FKBP1B: variants seen among roughly 807,000 people sequenced by gnomAD.
FKBP1B encodes peptidyl-prolyl cis-trans isomerase FKBP1B.
Under a neutral mutation model 13.5 loss-of-function variants are expected in FKBP1B, and 4 were observed. The ratio of observed to expected loss-of-function variants is 0.30; its 90% CI spans 0.15 to 0.68. The LOEUF (loss-of-function observed/expected upper bound fraction) is 0.68. Ranked by LOEUF, FKBP1B falls within the 30% of genes least tolerant of loss-of-function variation. The probability of loss-of-function intolerance (pLI) is 0.76; values close to 1 mark genes in which losing one functional copy is unlikely to be tolerated. For missense variants in FKBP1B, 93 were observed against 136.2 expected, an observed-to-expected ratio of 0.68 and a Z score of 1.58; for synonymous variants, 54 against 53.6, an observed-to-expected ratio of 1.01 and a Z score of -0.03.
chr2:24,055,856 C>T (rs373455503), intron 2 of FKBP1B, among the ~76,000 whole-genome samples: 1 of 152,278 alleles, frequency 6.6e-6, no homozygotes, highest in African/African-American at 2.4e-5. Context: ...GGGGTACCTC[C>T]TGGGCTCAGC....
the FKBP1B span, among the ~76,000 whole-genome samples, chr2:24,040,726 T>C: frequency 3.3e-5 from 5 of 152,208 alleles, no homozygotes; most frequent in African/African-American, 9.6e-5. Context: ...TAAAGAAGCA[T>C]ATGCTTAGGG....
At chr2:24,036,443 C>G in the FKBP1B span, among the ~76,000 whole-genome samples, 2 of 149,786 alleles carry the variant, frequency 1.3e-5, no homozygotes, top group Admixed American at 6.7e-5. Flanking sequence ...TGGTGACATA[C>G]GAGGAAAAGG....
rs1274749404 is a variant in FKBP1B at position 24,063,160 on chromosome 2, A to G, written c.295A>G (p.Ile99Val). The G allele has an allele frequency of 6.2e-7, 1 of 1,609,090 alleles. No individual in the cohort carries two copies. Among genetic ancestry groups the G allele is most frequent in the African/African-American group, 1.3e-5 (1 of 74,850 alleles). ...TGTCATCCCTCCCAATGCCACCCTC[A>G]TCTTTGACGTGGAGCTGCTCAACTT... ...PGVIPPNATL[I>V]FDVELLNLE Residue 99 changes from isoleucine to valine, a missense_variant, in exon 4 of 4, where the codon ATC (isoleucine) becomes GTC (valine). By Grantham distance (29) the Ile-to-Val change is conservative. Transcript: ENST00000380986.
chr2:24,038,756 T>A, the FKBP1B span: 3 of 1,614,106 alleles, frequency 1.9e-6, no homozygotes, highest in Admixed American at 5.0e-5. Flanking sequence ...GCATACGGAG[T>A]CATGTCTTTA....
chr2:24,041,559 G>GAGCCACCC, the FKBP1B span, among the ~76,000 whole-genome samples: 1 of 151,858 alleles, frequency 6.6e-6, no homozygotes, highest in Non-Finnish European at 1.5e-5. Context: ...TCATAGGCAT[G>GAGCCACCC]AGCCACCCAG....
the FKBP1B span, chr2:24,038,109 C>T: frequency 1.2e-6 from 2 of 1,614,180 alleles, no homozygotes; most frequent in Non-Finnish European, 1.7e-6. Flanking sequence ...TTTCAATTAA[C>T]TTTTTTCTAT....
In FKBP1B at chr2:24,053,889, T is replaced by C. The variant is rs1663995954; in HGVS notation, c.38-13T>C. On this transcript the variant is annotated splice_polypyrimidine_tract_variant and intron_variant, in intron 1 of 3. Coordinates refer to ENST00000380986, the MANE Select transcript of FKBP1B (RefSeq NM_004116.5). ...TATCCTACTCCTTCATCTGCCCTCATGTCTCCCTGCAGGAAGGACATTCCC... is the reference window on the plus strand; with the variant it reads ...TATCCTACTCCTTCATCTGCCCTCACGTCTCCCTGCAGGAAGGACATTCCC... 6.2e-7 allele frequency: 1 copy of C among 1,613,968 alleles called. No homozygotes were observed. Among genetic ancestry groups the C allele is most frequent in the Non-Finnish European group, 8.5e-7 (1 of 1,179,816 alleles).
At chr2:24,059,268 A>C (rs928793994) in intron 2 of FKBP1B, among the ~76,000 whole-genome samples, 3 of 151,280 alleles carry the variant, frequency 2.0e-5, no homozygotes, top group African/African-American at 7.4e-5. Context: ...AATTGAGAAT[A>C]GCTGTTGGGC....
chr2:24,034,219 G>A, the FKBP1B span, among the ~76,000 whole-genome samples: 1 of 152,082 alleles, frequency 6.6e-6, no homozygotes, highest in Non-Finnish European at 1.5e-5. Context: ...TCAGGAGTTC[G>A]AGACCAGCCT....
intron 1 of FKBP1B, among the ~76,000 whole-genome samples, chr2:24,051,866 C>A (rs1035036937): frequency 6.6e-6 from 1 of 152,124 alleles, no homozygotes; most frequent in Admixed American, 6.6e-5. Context: ...TATCCAGCCC[C>A]GTAGCTTTAA....
intron 2 of FKBP1B, chr2:24,054,185 G>A (rs1235990123): frequency 1.4e-6 from 1 of 692,432 alleles, no homozygotes; most frequent in South Asian, 1.6e-5. Context: ...CATGGTGCCA[G>A]CTTCTAGGTG....
At chr2:24,038,571 G>C in the FKBP1B span, 2 of 1,614,152 alleles carry the variant, frequency 1.2e-6, no homozygotes, top group Non-Finnish European at 1.7e-6. Context: ...TTCCTGTCAA[G>C]TAGTCCTTTT....
the FKBP1B span, among the ~76,000 whole-genome samples, chr2:24,043,641 AATTCC>A: frequency 6.6e-6 from 1 of 152,206 alleles, no homozygotes; most frequent in Non-Finnish European, 1.5e-5. Context: ...ACTTAAAATG[AATTCC>A]ATTCCAATTT....
Position 24,053,734 on chromosome 2 carries a change from C to A in FKBP1B, c.38-168C>A, listed in dbSNP as rs764846254. Among the ~76,000 whole-genome samples, 6 of 152,054 alleles carry A rather than the reference C, an allele frequency of 3.9e-5. No homozygotes were observed. The South Asian group carries it at 1.0e-3, about 26-fold the overall frequency. On this transcript the variant is annotated intron_variant, in intron 1 of 3. Transcript: ENST00000380986. ...AAGTAAATCCAGGCCAGAGAGGTGA[C>A]GTGATTCATTCTGGCTCGTACAGGG...
At chr2:24,038,699 C>T in the FKBP1B span, 3 of 1,614,072 alleles carry the variant, frequency 1.9e-6, no homozygotes, top group Non-Finnish European at 2.5e-6. Context: ...GTTTCAGAAT[C>T]AGTTGCCTCT....
chr2:24,041,704 T>G, the FKBP1B span, among the ~76,000 whole-genome samples: 1 of 151,044 alleles, frequency 6.6e-6, no homozygotes, highest in Non-Finnish European at 1.5e-5. Flanking sequence ...AATACAAAAA[T>G]TAGCTGGGCT....
Position 24,063,264 on chromosome 2 carries a change from G to A in FKBP1B, c.*72G>A, listed in dbSNP as rs1207924828. 7.0e-6 allele frequency: 10 copies of A among 1,436,140 alleles called. No individual in the cohort carries two copies. In the East Asian group the frequency reaches 1.4e-4, roughly 20 times the overall value. The allele number at this position is 1,436,140 out of a possible 1,614,324, so 89.0% of individuals were successfully genotyped here. ...TCCTAGCCTGCTCTGCCACTGGGAC[G>A]GCTCCTGCTTTTGGGGCTCTTGATC... is the stretch of plus-strand genomic sequence containing the variant. On this transcript the variant is annotated 3_prime_UTR_variant, in exon 4 of 4. Transcript: ENST00000380986.
At chr2:24,056,216 C>T (rs1230676415) in intron 2 of FKBP1B, among the ~76,000 whole-genome samples, 4 of 151,850 alleles carry the variant, frequency 2.6e-5, no homozygotes, top group Non-Finnish European at 4.4e-5. Context: ...TCTCAAACTC[C>T]TGACCTCAGG....
chr2:24,049,998 G>C (rs1347973045), intron 1 of FKBP1B, 112 bp downstream of exon 1: 3 of 808,310 alleles, frequency 3.7e-6, no homozygotes, highest in Non-Finnish European at 5.1e-6. Flanking sequence ...CGGGGGGCTG[G>C]ATGGGGAAGG....
Sources: allele counts gnomAD v4.1 joint callset (sites outside exome capture counted in the v4.1 genomes callset), GRCh38; gene constraint gnomAD v4.1.1; transcripts MANE v1.5; gene names NCBI Gene and HGNC (gene_info 2026-07-23, HGNC 2026-07-21).